The following AK5 variants were observed in gnomAD, a reference collection of about 807,000 sequenced individuals.
The protein encoded by AK5 is adenylate kinase isoenzyme 5.
AK5 carries 27 observed loss-of-function variants against 69.5 expected under a neutral mutation model. The observed-to-expected ratio is 0.39, with a 90% CI of 0.29 to 0.54. The LOEUF (loss-of-function observed/expected upper bound fraction) is 0.54. AK5 is among the 20% of genes least tolerant of loss of function. AK5 has a pLI of 0.71. For synonymous variants in AK5, 260 were observed against 244.4 expected, an observed-to-expected ratio of 1.06 and a Z score of -0.60; for missense variants, 531 against 700.4, an observed-to-expected ratio of 0.76 and a Z score of 2.73.
At chr1:77,288,828 G>C (rs969706367) in intron 2 of AK5, among the ~76,000 whole-genome samples, 9 of 152,150 alleles carry the variant, frequency 5.9e-5, no homozygotes, top group Admixed American at 1.3e-4. Context: ...CTGAGTCTTA[G>C]AGAGCAATTA....
chr1:77,395,717 A>G (rs577136830), intron 6 of AK5, among the ~76,000 whole-genome samples: 1 of 152,334 alleles, frequency 6.6e-6, no homozygotes, highest in East Asian at 1.9e-4. Context: ...TAAACAAAAC[A>G]TAACCTCAAA....
At chr1:77,356,813 A>T (rs573727568) in intron 6 of AK5, among the ~76,000 whole-genome samples, 1 of 152,312 alleles carries the variant, frequency 6.6e-6, no homozygotes, top group African/African-American at 2.4e-5. Context: ...CTGACAAGAG[A>T]GAAATTCCCA....
At chr1:77,512,243 GAGAGAGAGAGAGAC>G (rs1346967969) in intron 10 of AK5, among the ~76,000 whole-genome samples, 1 of 151,834 alleles carries the variant, frequency 6.6e-6, no homozygotes, top group African/African-American at 2.4e-5. Context: ...GTGTGTGTGT[GAGAGAGAGAGAGAC>G]AGAGAGAGAG....
chr1:77,341,276 A>AT (rs1212007928), intron 6 of AK5, among the ~76,000 whole-genome samples: 1 of 152,216 alleles, frequency 6.6e-6, no homozygotes, highest in Non-Finnish European at 1.5e-5. Context: ...ACAGCATCAG[A>AT]TTCCAGCATT....
chr1:77,388,748 G>GA (rs5775396), intron 6 of AK5, among the ~76,000 whole-genome samples: 27,832 of 143,424 alleles, frequency 0.19, 2,833 homozygotes, highest in African/African-American at 0.28. Flanking sequence ...AAGCTCTATG[G>GA]AAAAAAAAAA....
intron 5 of AK5, among the ~76,000 whole-genome samples, chr1:77,310,374 T>C (rs943664503): frequency 5.9e-5 from 9 of 152,152 alleles, no homozygotes; most frequent in Admixed American, 1.3e-4. Flanking sequence ...TTCTGTTTTT[T>C]TGGTTTTTAT....
At chr1:77,480,547 A>G (rs1250718033) in intron 8 of AK5, among the ~76,000 whole-genome samples, 1 of 152,180 alleles carries the variant, frequency 6.6e-6, no homozygotes, top group African/African-American at 2.4e-5. Flanking sequence ...ATGTAGAAGA[A>G]AGATCTAATA....
chr1:77,480,704 A>T (rs745722045), intron 8 of AK5, among the ~76,000 whole-genome samples: 4 of 152,172 alleles, frequency 2.6e-5, no homozygotes, highest in Admixed American at 2.6e-4. Flanking sequence ...AGATTAAACA[A>T]TCCTTTTCCA....
At chr1:77,299,963 T>C (rs550267948) in intron 5 of AK5, among the ~76,000 whole-genome samples, 180 of 152,332 alleles carry the variant, frequency 1.2e-3, no homozygotes, top group Non-Finnish European at 2.1e-3. Flanking sequence ...AAATATCTCA[T>C]TTTCAGCTCT....
At chr1:77,393,272 G>A (rs1366711464) in intron 6 of AK5, among the ~76,000 whole-genome samples, 2 of 152,112 alleles carry the variant, frequency 1.3e-5, no homozygotes, top group African/African-American at 2.4e-5. Context: ...CATAATTTTT[G>A]TAATACCTTT....
At chr1:77,444,052 T>C (rs1652509269) in intron 8 of AK5, among the ~76,000 whole-genome samples, 1 of 150,840 alleles carries the variant, frequency 6.6e-6, no homozygotes, top group Non-Finnish European at 1.5e-5. Flanking sequence ...TTATTCATCC[T>C]ACATATTTGC....
intron 8 of AK5, among the ~76,000 whole-genome samples, chr1:77,419,623 G>C (rs1423754893): frequency 6.6e-6 from 1 of 152,158 alleles, no homozygotes. Flanking sequence ...AAAGGCACTT[G>C]ATAGAGTAGA....
chr1:77,393,426 T>C (rs1002216012), intron 6 of AK5, among the ~76,000 whole-genome samples: 3 of 152,204 alleles, frequency 2.0e-5, no homozygotes, highest in Non-Finnish European at 4.4e-5. Context: ...TTGTTGCTAT[T>C]GTGGCTTTTC....
chr1:77,558,769 C>T lies in AK5; in HGVS notation c.*99C>T. ...AGTTAAACCTTTTGTGTCACCGCCC[C>T]CACCAACCACCACCTCCTAAATCCT... On this transcript the variant is annotated 3_prime_UTR_variant, in exon 14 of 14. Coordinates refer to ENST00000354567, the MANE Select transcript of AK5 (RefSeq NM_174858.3). 2.6e-6 allele frequency: 2 copies of T among 763,574 alleles called. No homozygotes were observed. Among genetic ancestry groups the T allele is most frequent in the South Asian group, 1.6e-5 (1 of 62,884 alleles). 47.3% of individuals were successfully genotyped at this position (763,574 alleles called of 1,614,324 possible). A position where few individuals can be genotyped will look rare whatever the true frequency, so the allele number is the denominator to read the frequency against.
At chr1:77,491,154 A>G (rs1655968795) in intron 10 of AK5, among the ~76,000 whole-genome samples, 2 of 152,142 alleles carry the variant, frequency 1.3e-5, no homozygotes, top group African/African-American at 4.8e-5. Flanking sequence ...ATTTTTAACC[A>G]CTACAAAAAT....
chr1:77,509,530 CATA>C (rs1657222901), intron 10 of AK5, among the ~76,000 whole-genome samples: 1 of 152,072 alleles, frequency 6.6e-6, no homozygotes, highest in Admixed American at 6.6e-5. Context: ...GATCTGATGG[CATA>C]ATAATTTTTC....
chr1:77,388,186 A>AT (rs959656247), intron 6 of AK5, among the ~76,000 whole-genome samples: 1 of 152,084 alleles, frequency 6.6e-6, no homozygotes, highest in African/African-American at 2.4e-5. Context: ...ACTCTGTAAC[A>AT]TTTTTTCTTC....
At chr1:77,525,700 G>A (rs1309503941) in intron 12 of AK5, among the ~76,000 whole-genome samples, 1 of 152,106 alleles carries the variant, frequency 6.6e-6, no homozygotes, top group Non-Finnish European at 1.5e-5. Context: ...TTTCAACATG[G>A]GATTTGGAGG....
At chr1:77,558,454 T>C (rs1557673825) in intron 13 of AK5, 148 bp from the exon 14 acceptor site, 1 of 573,460 alleles carries the variant, frequency 1.7e-6, no homozygotes, top group African/African-American at 2.0e-5. Flanking sequence ...TTAAAACTAC[T>C]CTTCACTTTT....
Sources: allele counts gnomAD v4.1 joint callset (sites outside exome capture counted in the v4.1 genomes callset), GRCh38; gene constraint gnomAD v4.1.1; transcripts MANE v1.5; gene names NCBI Gene and HGNC (gene_info 2026-07-23, HGNC 2026-07-21).